The following PRPF38B variants were observed in gnomAD, a reference collection of about 807,000 sequenced individuals.
PRPF38B encodes the protein pre-mRNA processing factor 38B, also known as pre-mRNA-splicing factor 38B.
Under a neutral mutation model 67.2 loss-of-function variants are expected in PRPF38B, and 18 were observed. That is an observed-to-expected ratio of 0.27 (90% CI 0.19 to 0.40). PRPF38B has a LOEUF of 0.40. PRPF38B is among the 10% of genes least tolerant of loss of function. PRPF38B has a pLI of 1.00. For missense variants in PRPF38B, 544 were observed against 684.9 expected (o/e 0.79, Z 2.30); for synonymous variants, 246 against 234.2 (o/e 1.05, Z -0.46).
In PRPF38B at chr1:108,700,204, C is replaced by G; in HGVS notation, c.*184C>G. 2 of 1,081,442 alleles carry G rather than the reference C, an allele frequency of 1.8e-6. No individual in the cohort carries two copies. The highest frequency in any genetic ancestry group is 2.5e-6 in the Non-Finnish European group (2 of 805,310). The allele number at this position is 1,081,442 out of a possible 1,614,324, so 67.0% of individuals were successfully genotyped here. On this transcript the variant is annotated 3_prime_UTR_variant, in exon 6 of 6. Coordinates refer to ENST00000370025, the MANE Select transcript of PRPF38B (RefSeq NM_018061.4). Reference sequence around the variant, plus strand: ...CATTTATTGCATTGGTGTTTTCACCCAATTGTTAAGTTTGATACATGATGC... The same window carrying G: ...CATTTATTGCATTGGTGTTTTCACCGAATTGTTAAGTTTGATACATGATGC...
rs1266363903 is a variant in PRPF38B, at chr1:108,698,636, A to G, written c.591A>G (p.Val197=). 1.2e-6 allele frequency: 2 copies of G among 1,613,744 alleles called. No homozygotes were observed. Among genetic ancestry groups the G allele is most frequent in the South Asian group, 2.2e-5 (2 of 91,074 alleles). Residue 197 remains valine, a synonymous_variant, in exon 5 of 6, where the codon GTA becomes GTG. Transcript: ENST00000370025. Reference sequence around the variant, plus strand: ...ATGTGAAGGCTGGTGGAGGCTGTGTAATGACCATTGGAGAAATGCTACGAT... The same window carrying G: ...ATGTGAAGGCTGGTGGAGGCTGTGTGATGACCATTGGAGAAATGCTACGAT... The part of the protein sequence containing the change: ...DLDVKAGGGC[V]MTIGEMLRSF...
At chr1:108,694,455 A>G (rs751502849) in intron 1 of PRPF38B, among the ~76,000 whole-genome samples, 4 of 152,224 alleles carry the variant, frequency 2.6e-5, no homozygotes, top group Admixed American at 2.6e-4. Flanking sequence ...TTTTTTACTA[A>G]TATTAAGAAG....
intron 1 of PRPF38B, among the ~76,000 whole-genome samples, chr1:108,693,939 C>T (rs1285589312): frequency 1.3e-5 from 2 of 152,112 alleles, no homozygotes; most frequent in African/African-American, 2.4e-5. Flanking sequence ...CTTGACAGAC[C>T]GCACAAAGTG....
chr1:108,693,341 C>T (rs556281191), intron 1 of PRPF38B, among the ~76,000 whole-genome samples: 8 of 151,054 alleles, frequency 5.3e-5, no homozygotes, highest in African/African-American at 1.9e-4. Context: ...ATGGTCAGTG[C>T]GTGTGTGTCG....
At chr1:108,693,333 G>T (rs914937660) in intron 1 of PRPF38B, among the ~76,000 whole-genome samples, 1 of 152,118 alleles carries the variant, frequency 6.6e-6, no homozygotes, top group Non-Finnish European at 1.5e-5. Context: ...GCAGGGAAAT[G>T]GTCAGTGCGT....
Position 108,692,656 on chromosome 1 carries a change from C to G in PRPF38B, c.65C>G (p.Ala22Gly), listed in dbSNP as rs150541219. 6.2e-7 allele frequency: 1 copy of G among 1,611,816 alleles called. No homozygotes were observed. Among genetic ancestry groups the G allele is most frequent in the Non-Finnish European group, 8.5e-7 (1 of 1,179,400 alleles). The change falls in exon 1 of 6, where the codon GCG becomes GGG. Residue 22 changes from alanine to glycine, a missense_variant. Ala to Gly is a moderately conservative substitution (Grantham distance 60). Around this residue, in one of 5 missense-constraint regions of PRPF38B, gnomAD observed 70 missense variants for 58.4 expected, o/e 1.20. Transcript: ENST00000370025. Reference sequence around the variant, plus strand: ...CCGCAGCACCAGGCGGCTGCAGCTGCGGCTCAGCAACAGCAGCAGTGCGGC... The same window carrying G: ...CCGCAGCACCAGGCGGCTGCAGCTGGGGCTCAGCAACAGCAGCAGTGCGGC... Reference protein sequence around the residue: ...SQPQHQAAAAAAQQQQQCGGG... With the variant: ...SQPQHQAAAAGAQQQQQCGGG...
chr1:108,694,972 A>G (rs939273177), intron 1 of PRPF38B, among the ~76,000 whole-genome samples: 4 of 152,156 alleles, frequency 2.6e-5, no homozygotes, highest in Non-Finnish European at 4.4e-5. Flanking sequence ...TTTTTGACAC[A>G]ATTTATATTC....
chr1:108,699,783 TAAAC>T lies in PRPF38B; in HGVS notation c.1405_1408del (p.Lys469GlufsTer61). 1 of 1,612,798 alleles carries T rather than the reference TAAAC, an allele frequency of 6.2e-7. No homozygotes were observed. The highest frequency in any genetic ancestry group is 8.5e-7 in the Non-Finnish European group (1 of 1,179,722). ...AAAATGAAAGTAAAGAAAAATCAAATAAACGAAGTCGAAGTGGCAGTCAAGGAAG... is the reference window on the plus strand; with the variant it reads ...AAAATGAAAGTAAAGAAAAATCAAATGAAGTCGAAGTGGCAGTCAAGGAAG... On this transcript the variant is annotated frameshift_variant, in exon 6 of 6. Coordinates refer to ENST00000370025, the MANE Select transcript of PRPF38B (RefSeq NM_018061.4). LOFTEE classifies it high-confidence loss of function.
chr1:108,695,034 A>G (rs1318821317), intron 1 of PRPF38B, among the ~76,000 whole-genome samples: 3 of 152,326 alleles, frequency 2.0e-5, no homozygotes, highest in South Asian at 4.1e-4. Context: ...CTTAATTACA[A>G]CAATGATCTC....
At position 108,702,747 on chromosome 1, in the gene PRPF38B, G is replaced by A. The variant is rs769731867; in HGVS notation, c.*2727G>A. On this transcript the variant is annotated 3_prime_UTR_variant, in exon 6 of 6. Transcript: ENST00000370025. ...TACATGTATATCTAGGTAACAAACC[G>A]GCACGTTCTGCACATGTATCTGAAC... Among the ~76,000 whole-genome samples, 24 of 152,086 alleles carry A rather than the reference G, an allele frequency of 1.6e-4. 1 individual carries two copies. The highest frequency in any genetic ancestry group is 8.3e-4 in the South Asian group (4 of 4,816).
rs1451856697 is a variant in PRPF38B at position 108,699,280 on chromosome 1, C to G, written c.901C>G (p.Arg301Gly). ...CAGAGAATTAGAAAGAGAGAAAGAA[C>G]GCCAGCGACTAGAGCGTGAAGCCAA... ...FDRELEREKERQRLEREAKER... is the reference protein window; with the variant it reads ...FDRELEREKEGQRLEREAKER... The change falls in exon 6 of 6, where the codon CGC (arginine) becomes GGC (glycine). Residue 301 changes from arginine (R) to glycine (G), a missense_variant. This residue lies in a region of PRPF38B where 387 missense variants were observed against 386.1 expected (regional missense o/e 1.00). Coordinates refer to ENST00000370025, the MANE Select transcript of PRPF38B (RefSeq NM_018061.4). The G allele has an allele frequency of 6.2e-7, 1 of 1,613,902 alleles. No individual in the cohort carries two copies. Among genetic ancestry groups the G allele is most frequent in the Non-Finnish European group, 8.5e-7 (1 of 1,180,028 alleles).
rs1660132845 is a variant in PRPF38B at position 108,698,759 on chromosome 1, A to G, written c.714A>G (p.Arg238=). Residue 238 remains arginine, a synonymous_variant, in exon 5 of 6, where the codon AGA becomes AGG. Transcript: ENST00000370025. ...ATCAACAGATTAAAACCCGACCTAGAAAAATCAAGAAAGATGGGAAGGAAG... is the reference window on the plus strand; with the variant it reads ...ATCAACAGATTAAAACCCGACCTAGGAAAATCAAGAAAGATGGGAAGGAAG... ...NIDQQIKTRP[R]KIKKDGKEGA... 6.2e-7 allele frequency: 1 copy of G among 1,614,110 alleles called. No homozygotes were observed. Among genetic ancestry groups the G allele is most frequent in the Non-Finnish European group, 8.5e-7 (1 of 1,179,972 alleles).
At chr1:108,697,197 C>T (rs1659953326) in intron 4 of PRPF38B, 1 of 157,182 alleles carries the variant, frequency 6.4e-6, no homozygotes, top group Non-Finnish European at 1.4e-5. Flanking sequence ...GAGCCAAGAT[C>T]ATTGCCACTG....
In PRPF38B at chr1:108,692,700, C is replaced by T; in HGVS notation, c.109C>T (p.Pro37Ser). 2 of 1,613,372 alleles carry T rather than the reference C, an allele frequency of 1.2e-6. No homozygotes were observed. The highest frequency in any genetic ancestry group is 1.7e-6 in the Non-Finnish European group (2 of 1,180,042). ...GTGCGGCGGCGGCGGCGCTACCAAGCCGGCGGTCTCCGGCAAGCAGGGCAA... is the reference window on the plus strand; with the variant it reads ...GTGCGGCGGCGGCGGCGCTACCAAGTCGGCGGTCTCCGGCAAGCAGGGCAA... ...QQCGGGGATK[P>S]AVSGKQGNVL... The change falls in exon 1 of 6, where the codon CCG (proline) becomes TCG (serine). Residue 37 changes from proline to serine, a missense_variant. Pro to Ser is a moderately conservative substitution (Grantham distance 74). Coordinates refer to ENST00000370025, the MANE Select transcript of PRPF38B (RefSeq NM_018061.4).
chr1:108,699,805 C>A lies in PRPF38B; in HGVS notation c.1426C>A (p.Gln476Lys), dbSNP rs181253219. 4 of 1,612,708 alleles carry A rather than the reference C, an allele frequency of 2.5e-6. No homozygotes were observed. The highest frequency in any genetic ancestry group is 2.2e-5 in the East Asian group (1 of 44,856). Residue 476 changes from glutamine to lysine, a missense_variant, in exon 6 of 6, where the codon CAA becomes AAA. Coordinates refer to ENST00000370025, the MANE Select transcript of PRPF38B (RefSeq NM_018061.4). ...AAATAAACGAAGTCGAAGTGGCAGT[C>A]AAGGAAGAACTGACAGTGTTGAAAA... is the stretch of plus-strand genomic sequence containing the variant. ...KSNKRSRSGS[Q>K]GRTDSVEKSK...
In PRPF38B at chr1:108,692,656, C is replaced by T. The variant is rs150541219; in HGVS notation, c.65C>T (p.Ala22Val). 2.8e-4 allele frequency: 445 copies of T among 1,611,816 alleles called. 1 individual carries two copies. The highest frequency in any genetic ancestry group is 3.4e-4 in the Non-Finnish European group (398 of 1,179,400). The change falls in exon 1 of 6, where the codon GCG (alanine) becomes GTG (valine). Residue 22 changes from alanine (A) to valine (V), a missense_variant. Physicochemically the swap from Ala to Val is moderately conservative, Grantham distance 64. Transcript: ENST00000370025. Reference sequence around the variant, plus strand: ...CCGCAGCACCAGGCGGCTGCAGCTGCGGCTCAGCAACAGCAGCAGTGCGGC... The same window carrying T: ...CCGCAGCACCAGGCGGCTGCAGCTGTGGCTCAGCAACAGCAGCAGTGCGGC... ...SQPQHQAAAAAAQQQQQCGGG... is the reference protein window; with the variant it reads ...SQPQHQAAAAVAQQQQQCGGG...
intron 4 of PRPF38B, 44 bp downstream of exon 4, chr1:108,696,381 C>T (rs1229832619): frequency 6.7e-7 from 1 of 1,497,728 alleles, no homozygotes; most frequent in South Asian, 1.2e-5. Flanking sequence ...TGATTACTCT[C>T]ATATTTTTAT....
intron 4 of PRPF38B, chr1:108,696,818 A>C: frequency 1.4e-6 from 1 of 706,294 alleles, no homozygotes; most frequent in Non-Finnish European, 2.6e-6. Flanking sequence ...TGGGTGTTAC[A>C]TAAATAGGCT....
At chr1:108,697,538 C>CTTTTTTTTTT (rs34770110) in intron 4 of PRPF38B, 65 of 146,048 alleles carry the variant, frequency 4.5e-4, no homozygotes, top group African/African-American at 1.6e-3. Context: ...TTATTTTTCT[C>CTTTTTTTTTT]TTTTTTTTTT....
Sources: gnomAD v4.1 joint callset for allele counts (sites outside exome capture counted in the v4.1 genomes callset) on GRCh38, gnomAD v4.1.1 for gene constraint, gnomAD v4.1.1 regional missense constraint, MANE v1.5 for transcripts, NCBI Gene and HGNC (gene_info 2026-07-23, HGNC 2026-07-21) for gene names.